The following BRSK2 variants were observed in gnomAD, a reference collection of about 807,000 sequenced individuals.
BRSK2 encodes BR serine/threonine kinase 2.
In BRSK2, 19 loss-of-function variants were observed where a neutral mutation model predicts 83.3. The observed-to-expected ratio is 0.23, with a 90% CI of 0.16 to 0.33. The LOEUF (loss-of-function observed/expected upper bound fraction) is 0.33. BRSK2 is among the 10% of genes least tolerant of loss of function. BRSK2 has a pLI of 1.00. For missense variants in BRSK2, 798 were observed against 1,042.3 expected (o/e 0.77, Z 3.23); for synonymous variants, 519 against 435.4 (o/e 1.19, Z -2.39).
chr11:1,421,554 C>T (rs11026443), intron 1 of BRSK2, among the ~76,000 whole-genome samples: 5,217 of 152,306 alleles, frequency 0.034, 123 homozygotes, highest in Middle Eastern at 0.12. Flanking sequence ...TCTTTTCCAA[C>T]GTGAGCAGTT....
rs190497005 is a variant in BRSK2, at chr11:1,412,487, T to C, written c.91+22112T>C. On this transcript the variant is annotated intron_variant, in intron 1 of 19. Transcript: ENST00000528841. The stretch of plus-strand genomic sequence containing the variant: ...CCTGTGGTGGGTGGAGTCTCAGCTG[T>C]GCTGCCCCGTCCTGTGATTGGTGAA... Among the ~76,000 whole-genome samples, 2 of 54,730 alleles carry C rather than the reference T, an allele frequency of 3.7e-5. 1 individual carries two copies. Among genetic ancestry groups the C allele is most frequent in the Admixed American group, 3.2e-4 (2 of 6,212 alleles). The allele number at this position is 54,730 out of a possible 152,430, so 35.9% of individuals were successfully genotyped here.
chr11:1,410,454 C>T (rs560106984), intron 1 of BRSK2: 35 of 985,502 alleles, frequency 3.6e-5, no homozygotes, highest in East Asian at 2.3e-4. Context: ...TTGGGGGCGC[C>T]GTGAAAGCAC....
chr11:1,446,629 G>A (rs1212775214), intron 12 of BRSK2, among the ~76,000 whole-genome samples: 5 of 151,998 alleles, frequency 3.3e-5, no homozygotes, highest in South Asian at 2.1e-4. Context: ...ACCCGTGGCC[G>A]GAGGAAGGGC....
intron 1 of BRSK2, among the ~76,000 whole-genome samples, chr11:1,404,796 G>A (rs946001030): frequency 8.5e-5 from 13 of 152,198 alleles, no homozygotes; most frequent in African/African-American, 4.8e-5. Flanking sequence ...TTCTTACCGC[G>A]CCCTGGAGAT....
Position 1,446,065 on chromosome 11 carries a change from GGGCTT to G in BRSK2, c.1226+163_1226+167del, listed in dbSNP as rs1389861464. Among the ~76,000 whole-genome samples the G allele has an allele frequency of 2.1e-3, 310 of 144,892 alleles. 1 individual carries two copies. The highest frequency in any genetic ancestry group is 7.4e-3 in the African/African-American group (288 of 38,914). ...GGGCTTAGCTGGGCTGGGCTGGGCT[GGGCTT>G]GGCTGGGCTGGGCTGGGCTTAGCTG... is the stretch of plus-strand genomic sequence containing the variant. On this transcript the variant is annotated intron_variant, in intron 12 of 19. Transcript: ENST00000528841.
At position 1,460,732 on chromosome 11, in the gene BRSK2, GCC is replaced by G. The variant is rs34875491; in HGVS notation, c.*19_*20del. ...GCCGCGAGCAGCCTTAGACACACTA[GCC>G]CCCCCCCCCAGCACAGCACTGACAG... On this transcript the variant is annotated 3_prime_UTR_variant, in exon 20 of 20. Transcript: ENST00000528841. 3,731 of 1,280,624 alleles carry G rather than the reference GCC, an allele frequency of 2.9e-3. 4 individuals carry two copies. Among genetic ancestry groups the G allele is most frequent in the African/African-American group, 6.5e-3 (372 of 57,472 alleles). 79.3% of individuals were successfully genotyped at this position (1,280,624 alleles called of 1,614,324 possible).
At chr11:1,436,336 C>T (rs903981284) in intron 2 of BRSK2, among the ~76,000 whole-genome samples, 1 of 152,152 alleles carries the variant, frequency 6.6e-6, no homozygotes, top group Non-Finnish European at 1.5e-5. Context: ...CCCTGCCCAC[C>T]TTTCTCCTGC....
intron 1 of BRSK2, among the ~76,000 whole-genome samples, chr11:1,401,378 T>C (rs532603408): frequency 5.9e-5 from 9 of 152,342 alleles, no homozygotes; most frequent in African/African-American, 1.9e-4. Flanking sequence ...TGTCTCATAG[T>C]GAGTCTGTCT....
At chr11:1,442,682 G>GC in intron 5 of BRSK2, 76 bp downstream of exon 5, 1 of 1,262,228 alleles carries the variant, frequency 7.9e-7, no homozygotes, top group African/African-American at 1.5e-5. Flanking sequence ...GGACTGAGAG[G>GC]CCCCCAGCCT....
rs1350179682 is a variant in BRSK2, at chr11:1,423,474, G to A, written c.92-12566G>A. On this transcript the variant is annotated intron_variant, in intron 1 of 19. Transcript: ENST00000528841. This position sits in a 1 kb window ranked among gnomAD's most constrained non-coding sequence, Gnocchi z 6.5. ...GGCCACAGTGGTTCTGGAATTTGAGGTGCCTTAGGAGGTTCATGATGAAGG... is the reference window on the plus strand; with the variant it reads ...GGCCACAGTGGTTCTGGAATTTGAGATGCCTTAGGAGGTTCATGATGAAGG... 6.6e-6 allele frequency among the ~76,000 whole-genome samples: 1 copy of A among 152,090 alleles called. No homozygotes were observed. The highest frequency in any genetic ancestry group is 2.4e-5 in the African/African-American group (1 of 41,400).
chr11:1,447,900 C>A lies in BRSK2; in HGVS notation c.1227-1876C>A, dbSNP rs755733517. ...GACCACCCGTCCCCGCACCTCCCAG[C>A]CCCAGACACGCTGTCCTGCCTCAGG... On this transcript the variant is annotated intron_variant, in intron 12 of 19. Coordinates refer to ENST00000528841, the MANE Select transcript of BRSK2 (RefSeq NM_001256627.2). 3.8e-6 allele frequency: 6 copies of A among 1,559,834 alleles called. 1 individual carries two copies. In the African/African-American group the frequency reaches 5.4e-5, roughly 14 times the overall value.
At chr11:1,457,601 C>T (rs950239234) in intron 18 of BRSK2, among the ~76,000 whole-genome samples, 6 of 152,136 alleles carry the variant, frequency 3.9e-5, no homozygotes, top group African/African-American at 1.2e-4. Flanking sequence ...AACGCTGGTA[C>T]GGCGTGGGGG....
intron 1 of BRSK2, 90 bp from the exon 2 acceptor site, chr11:1,435,950 T>G: frequency 2.1e-6 from 2 of 946,772 alleles, no homozygotes; most frequent in Non-Finnish European, 3.2e-6. Flanking sequence ...GTCCAGGACG[T>G]GGGAGGAGGC....
intron 4 of BRSK2, 148 bp from the exon 5 acceptor site, chr11:1,442,342 C>A (rs1851456225): frequency 1.6e-6 from 1 of 612,330 alleles, no homozygotes; most frequent in African/African-American, 1.8e-5. Context: ...GATTGGCTGC[C>A]TATGACATCA....
chr11:1,414,625 A>G (rs1480043827), intron 1 of BRSK2, among the ~76,000 whole-genome samples: 1 of 152,220 alleles, frequency 6.6e-6, no homozygotes, highest in Non-Finnish European at 1.5e-5. Context: ...TGAAATTCAC[A>G]TAATATAAAA....
intron 1 of BRSK2, among the ~76,000 whole-genome samples, chr11:1,412,027 C>T (rs1459875277): frequency 2.1e-4 from 22 of 104,326 alleles, no homozygotes; most frequent in African/African-American, 7.2e-4. Context: ...TGCGCCGCCC[C>T]GTCCTGCGGT....
chr11:1,436,692 A>T (rs959915240), intron 2 of BRSK2, among the ~76,000 whole-genome samples: 1 of 151,952 alleles, frequency 6.6e-6, no homozygotes, highest in Non-Finnish European at 1.5e-5. Flanking sequence ...GTGTAGAGGA[A>T]GAGGCTGGGG....
At chr11:1,459,260 C>T (rs766667869) in intron 19 of BRSK2, 21 bp downstream of exon 19, 2 of 1,612,642 alleles carry the variant, frequency 1.2e-6, no homozygotes, top group East Asian at 2.2e-5. Context: ...CCCACGCTCA[C>T]CTGGCACCTC....
chr11:1,399,769 G>A (rs980377717), intron 1 of BRSK2, among the ~76,000 whole-genome samples: 2 of 152,190 alleles, frequency 1.3e-5, no homozygotes, highest in East Asian at 1.9e-4. Context: ...GTTCTGGGCC[G>A]ACCAAATTCC....
Sources: gnomAD v4.1 joint callset for allele counts (sites outside exome capture counted in the v4.1 genomes callset) on GRCh38, gnomAD v4.1.1 for gene constraint, Gnocchi (gnomAD v3.1) non-coding constraint, MANE v1.5 for transcripts, NCBI Gene and HGNC (gene_info 2026-07-23, HGNC 2026-07-21) for gene names.